WWOX: variants seen among roughly 807,000 people sequenced by gnomAD.
WWOX encodes WW domain-containing oxidoreductase.
Under a neutral mutation model 46.2 loss-of-function variants are expected in WWOX, and 69 were observed. The observed-to-expected ratio is 1.49, with a 90% CI of 1.23 to 1.82. The LOEUF (loss-of-function observed/expected upper bound fraction) is 1.82, where lower values mean the gene tolerates loss of function less well. WWOX is among the 40% of genes most tolerant of loss of function. The probability of loss-of-function intolerance (pLI) is 0.00; values close to 1 mark genes in which losing one functional copy is unlikely to be tolerated. For synonymous variants in WWOX, 359 were observed against 202.6 expected (o/e 1.77, Z -6.56); for missense variants, 919 against 542.6 (o/e 1.69, Z -6.89).
chr16:78,587,692 T>G (rs1246895571), intron 8 of WWOX, among the ~76,000 whole-genome samples: 1 of 151,978 alleles, frequency 6.6e-6, no homozygotes. Context: ...GATAGGGAGG[T>G]GCTTGATGGC....
intron 1 of WWOX, among the ~76,000 whole-genome samples, chr16:78,102,562 C>T (rs547123750): frequency 4.1e-4 from 62 of 152,362 alleles, no homozygotes; most frequent in Admixed American, 9.1e-4. Context: ...CTTGCTGTTC[C>T]TCTCACCTGT....
At chr16:78,715,584 A>C (rs892585367) in intron 8 of WWOX, among the ~76,000 whole-genome samples, 1 of 151,898 alleles carries the variant, frequency 6.6e-6, no homozygotes, top group African/African-American at 2.4e-5. Context: ...CTTGGGTTCA[A>C]GCGATTCTCC....
intron 8 of WWOX, among the ~76,000 whole-genome samples, chr16:78,554,983 C>A (rs1019932618): frequency 2.0e-5 from 3 of 152,040 alleles, no homozygotes; most frequent in Non-Finnish European, 4.4e-5. Flanking sequence ...AGAAAAGGGG[C>A]CCGGATAAAC....
At chr16:78,830,254 A>C (rs527660425) in intron 8 of WWOX, among the ~76,000 whole-genome samples, 1 of 152,312 alleles carries the variant, frequency 6.6e-6, no homozygotes, top group South Asian at 2.1e-4. Flanking sequence ...AATGATATTT[A>C]TATGGGGTTA....
At chr16:78,799,754 G>T (rs1271092184) in intron 8 of WWOX, among the ~76,000 whole-genome samples, 1 of 152,310 alleles carries the variant, frequency 6.6e-6, no homozygotes, top group African/African-American at 2.4e-5. Context: ...GAGAGAGGGG[G>T]AATTGGGCAT....
chr16:79,048,910 G>A (rs143837821), intron 8 of WWOX, among the ~76,000 whole-genome samples: 5 of 152,162 alleles, frequency 3.3e-5, no homozygotes, highest in African/African-American at 1.2e-4. Flanking sequence ...GAACTGTAAG[G>A]GACCCCCGCC....
chr16:78,718,168 C>A (rs72799088), intron 8 of WWOX, among the ~76,000 whole-genome samples: 33 of 149,576 alleles, frequency 2.2e-4, no homozygotes, highest in African/African-American at 8.2e-4. Context: ...TTTTTTATGG[C>A]TGCCCAAGTT....
At chr16:78,745,427 T>C (rs932444822) in intron 8 of WWOX, among the ~76,000 whole-genome samples, 2 of 152,270 alleles carry the variant, frequency 1.3e-5, no homozygotes, top group East Asian at 1.9e-4. Context: ...ATGCCTGTTA[T>C]TCTTTTCTCC....
chr16:78,375,370 A>G (rs1284123009), intron 5 of WWOX, among the ~76,000 whole-genome samples: 1 of 152,218 alleles, frequency 6.6e-6, no homozygotes, highest in African/African-American at 2.4e-5. Context: ...TGTTGCTGCC[A>G]CTATGAGTAG....
chr16:78,626,354 C>A (rs982653110), intron 8 of WWOX, among the ~76,000 whole-genome samples: 1 of 152,146 alleles, frequency 6.6e-6, no homozygotes, highest in African/African-American at 2.4e-5. Flanking sequence ...ATCTTCTTGG[C>A]TGTGACAGTT....
intron 8 of WWOX, among the ~76,000 whole-genome samples, chr16:78,848,573 G>A (rs2052359728): frequency 6.6e-6 from 1 of 152,156 alleles, no homozygotes; most frequent in African/African-American, 2.4e-5. Flanking sequence ...GGGGAACCTG[G>A]CCTGGTGTTG....
chr16:78,692,980 T>A (rs74979573), intron 8 of WWOX, among the ~76,000 whole-genome samples: 1,948 of 152,336 alleles, frequency 0.013, 19 homozygotes, highest in South Asian at 0.036. Context: ...GGGATGCCTT[T>A]TGCTATGGGG....
intron 8 of WWOX, among the ~76,000 whole-genome samples, chr16:78,817,608 G>A (rs1166765819): frequency 6.6e-6 from 1 of 152,162 alleles, no homozygotes; most frequent in East Asian, 1.9e-4. Context: ...CACTAATTAT[G>A]TCAACAAGTA....
intron 8 of WWOX, among the ~76,000 whole-genome samples, chr16:78,641,548 C>T (rs1396687994): frequency 6.6e-6 from 1 of 152,130 alleles, no homozygotes; most frequent in African/African-American, 2.4e-5. Context: ...TGTAAATCAG[C>T]TCATTCATTC....
chr16:78,349,982 A>C (rs1395545188), intron 5 of WWOX, among the ~76,000 whole-genome samples: 1 of 121,360 alleles, frequency 8.2e-6, no homozygotes. Flanking sequence ...ATATGCCTGC[A>C]TTTGTACACT....
chr16:78,930,716 ATGAG>A (rs954344866), intron 8 of WWOX, among the ~76,000 whole-genome samples: 7 of 152,062 alleles, frequency 4.6e-5, no homozygotes, highest in African/African-American at 1.7e-4. Flanking sequence ...GAATGAAAAA[ATGAG>A]TGAGTAAAGT....
intron 4 of WWOX, among the ~76,000 whole-genome samples, chr16:78,120,263 A>T (rs1244349332): frequency 6.6e-6 from 1 of 152,204 alleles, no homozygotes; most frequent in African/African-American, 2.4e-5. Flanking sequence ...GTTTTCCTTG[A>T]AACAAAATGA....
intron 8 of WWOX, among the ~76,000 whole-genome samples, chr16:78,583,085 G>A (rs1407813553): frequency 6.6e-6 from 1 of 152,358 alleles, no homozygotes; most frequent in Non-Finnish European, 1.5e-5. Flanking sequence ...AGCTCTTGAA[G>A]AAGATGGGAG....
At position 78,316,906 on chromosome 16, in the gene WWOX, T is replaced by C. The variant is rs547324573; in HGVS notation, c.517-69954T>C. Reference sequence around the variant, plus strand: ...TCCTTGCTGAAACTACCATTTATCTTTGTGAATTCATTATTCGTTTTTCCA... The same window carrying C: ...TCCTTGCTGAAACTACCATTTATCTCTGTGAATTCATTATTCGTTTTTCCA... On this transcript the variant is annotated intron_variant, in intron 5 of 8. Transcript: ENST00000566780. Among the ~76,000 whole-genome samples, 4 of 152,324 alleles carry C rather than the reference T, an allele frequency of 2.6e-5. No individual in the cohort carries two copies. The South Asian group carries it at 8.3e-4, about 32-fold the overall frequency.
Sources: allele counts gnomAD v4.1 joint callset (sites outside exome capture counted in the v4.1 genomes callset), GRCh38; gene constraint gnomAD v4.1.1; transcripts MANE v1.5; gene names NCBI Gene and HGNC (gene_info 2026-07-23, HGNC 2026-07-21).